The following ANKRD11 variants were observed in gnomAD, a reference collection of about 807,000 sequenced individuals.
The protein encoded by ANKRD11 is ankyrin repeat domain-containing protein 11.
Under a neutral mutation model 195.7 loss-of-function variants are expected in ANKRD11, and 17 were observed. The ratio of observed to expected loss-of-function variants is 0.09; its 90% CI spans 0.06 to 0.13. ANKRD11 has a LOEUF of 0.13. Among genes scored for constraint, ANKRD11 ranks in the 10% least tolerant of loss-of-function variants. The pLI is 1.00. For synonymous variants in ANKRD11, 1,953 were observed against 1,528.1 expected (o/e 1.28, Z -6.49); for missense variants, 3,735 against 3,566.1 (o/e 1.05, Z -1.21).
chr16:89,388,661 G>A (rs1362057984), intron 2 of ANKRD11, among the ~76,000 whole-genome samples: 1 of 152,186 alleles, frequency 6.6e-6, no homozygotes, highest in East Asian at 1.9e-4. Flanking sequence ...GGAGCCCTGC[G>A]ATGAGCCGGG....
chr16:89,424,102 G>A (rs903050231), intron 1 of ANKRD11, among the ~76,000 whole-genome samples: 20 of 152,080 alleles, frequency 1.3e-4, no homozygotes, highest in Non-Finnish European at 2.4e-4. Context: ...TGCTGTGACT[G>A]CCCCGGGTGT....
chr16:89,306,332 C>G (rs2036238622), intron 3 of ANKRD11, among the ~76,000 whole-genome samples: 1 of 95,670 alleles, frequency 1.0e-5, no homozygotes, highest in African/African-American at 4.6e-5. Context: ...CCACCTCCCA[C>G]TCCGCAGACA....
At chr16:89,489,460 C>T (rs1175822184) in intron 1 of ANKRD11, among the ~76,000 whole-genome samples, 3 of 149,238 alleles carry the variant, frequency 2.0e-5, no homozygotes, top group Middle Eastern at 3.4e-3. Flanking sequence ...GCATTCCTGC[C>T]CCTCCTCGGC....
chr16:89,359,939 C>T (rs562259490), intron 2 of ANKRD11, among the ~76,000 whole-genome samples: 18 of 151,878 alleles, frequency 1.2e-4, no homozygotes, highest in Non-Finnish European at 7.4e-5. Context: ...TGAGGGTGTA[C>T]TACATAAGTA....
intron 1 of ANKRD11, among the ~76,000 whole-genome samples, chr16:89,430,989 C>A (rs1227430234): frequency 6.6e-6 from 1 of 152,086 alleles, no homozygotes; most frequent in Non-Finnish European, 1.5e-5. Context: ...CCACTCCAGG[C>A]TCAACCTATC....
Position 89,337,816 on chromosome 16 carries a change from G to A in ANKRD11, c.-59-20738C>T, listed in dbSNP as rs549097642. Among the ~76,000 whole-genome samples, 67 of 152,264 alleles carry A rather than the reference G, an allele frequency of 4.4e-4. No homozygotes were observed. The South Asian group carries it at 7.0e-3, about 16-fold the overall frequency. On this transcript the variant is annotated intron_variant, in intron 2 of 12. Coordinates refer to ENST00000301030, the MANE Select transcript of ANKRD11 (RefSeq NM_013275.6). Reference sequence around the variant, plus strand: ...GAAAGCAAGTTTGCCCAAGTCGCACGAGCAAGGCTGGAGTCAGCAATGCCT... The same window carrying A: ...GAAAGCAAGTTTGCCCAAGTCGCACAAGCAAGGCTGGAGTCAGCAATGCCT...
chr16:89,467,743 C>G (rs574627561), intron 1 of ANKRD11, among the ~76,000 whole-genome samples: 1 of 152,132 alleles, frequency 6.6e-6, no homozygotes, highest in African/African-American at 2.4e-5. Flanking sequence ...GTAAGACATA[C>G]TGCATATGTT....
rs1315359053 is a variant in ANKRD11, at chr16:89,268,438, C to A, written c.*40G>T. 1.1e-6 allele frequency: 1 copy of A among 908,014 alleles called. No individual in the cohort carries two copies. The highest frequency in any genetic ancestry group is 1.9e-5 in the African/African-American group (1 of 52,176). The allele number at this position is 908,014 out of a possible 1,614,324, so 56.2% of individuals were successfully genotyped here. ...GGGCTCAGCAGCAGTCCTGGGCAGC[C>A]GTGCGGCCCTCGCCTGCGTCCTGCG... On this transcript the variant is annotated 3_prime_UTR_variant, in exon 13 of 13. Transcript: ENST00000301030.
At chr16:89,385,003 A>G (rs187827497) in intron 2 of ANKRD11, among the ~76,000 whole-genome samples, 119 of 139,898 alleles carry the variant, frequency 8.5e-4, no homozygotes, top group African/African-American at 3.1e-3. Context: ...CTCCTGACTC[A>G]GCCTCCCAAG....
At position 89,285,226 on chromosome 16, in the gene ANKRD11, G is replaced by A. The variant is rs1427555870; in HGVS notation, c.1316C>T (p.Thr439Ile). Residue 439 changes from threonine (T) to isoleucine (I), a missense_variant, in exon 9 of 13, where the codon ACA (threonine) becomes ATA (isoleucine). Thr to Ile is a moderately conservative substitution (Grantham distance 89). Coordinates refer to ENST00000301030, the MANE Select transcript of ANKRD11 (RefSeq NM_013275.6). This position sits in a 1 kb window ranked among gnomAD's most constrained non-coding sequence, Gnocchi z 5.6. ...CTGCTTGGCATTAGAAGGCTCTCGT[G>A]TCTTACTACCAGGCAATATCGTATG... Reference protein sequence around the residue: ...SAHTILPGSKTREPSNAKQQK... With the variant: ...SAHTILPGSKIREPSNAKQQK... 1.2e-6 allele frequency: 2 copies of A among 1,613,544 alleles called. No individual in the cohort carries two copies. Among genetic ancestry groups the A allele is most frequent in the Non-Finnish European group, 1.7e-6 (2 of 1,180,012 alleles).
intron 2 of ANKRD11, among the ~76,000 whole-genome samples, chr16:89,325,467 T>TCACACA (rs1472706911): frequency 2.8e-4 from 39 of 140,602 alleles, no homozygotes; most frequent in African/African-American, 9.9e-4. Flanking sequence ...TCTCTCTCTC[T>TCACACA]CTCACACACA....
At chr16:89,372,927 A>AG (rs2040257429) in intron 2 of ANKRD11, 2 of 152,352 alleles carry the variant, frequency 1.3e-5, no homozygotes, top group South Asian at 2.1e-4. Context: ...CACCTCAGAG[A>AG]GTATCACCCA....
At chr16:89,375,379 G>A (rs1386604622) in intron 2 of ANKRD11, among the ~76,000 whole-genome samples, 4 of 152,192 alleles carry the variant, frequency 2.6e-5, no homozygotes, top group African/African-American at 7.2e-5. Flanking sequence ...GTTTGAGCCC[G>A]GGAGTCCAAG....
At chr16:89,302,404 C>T (rs188342986) in intron 4 of ANKRD11, among the ~76,000 whole-genome samples, 2 of 152,164 alleles carry the variant, frequency 1.3e-5, no homozygotes, top group South Asian at 4.1e-4. Flanking sequence ...AGGCACCCGC[C>T]GCCACACCTG....
chr16:89,437,440 C>T (rs1364696996), intron 1 of ANKRD11, among the ~76,000 whole-genome samples: 1 of 152,108 alleles, frequency 6.6e-6, no homozygotes, highest in Non-Finnish European at 1.5e-5. Context: ...CCTACTTCCT[C>T]TCTCCTCATT....
At chr16:89,461,796 C>T (rs541465634) in intron 1 of ANKRD11, among the ~76,000 whole-genome samples, 2 of 152,110 alleles carry the variant, frequency 1.3e-5, no homozygotes, top group Non-Finnish European at 2.9e-5. Flanking sequence ...TATGGTCATT[C>T]CCATTAAAAC....
chr16:89,271,299 G>C, intron 11 of ANKRD11: 1 of 318,784 alleles, frequency 3.1e-6, no homozygotes, highest in Non-Finnish European at 6.1e-6. Flanking sequence ...GTGCAATGGC[G>C]CGATCCTGGC....
Position 89,490,518 on chromosome 16 carries a change from G to A in ANKRD11, c.-418C>T, listed in dbSNP as rs1031152982. ...CGGGCTCGGCGGCGGCGCCTCCCCGGCTGGGGCCCTCGGTCCATCGCGCAC... is the reference window on the plus strand; with the variant it reads ...CGGGCTCGGCGGCGGCGCCTCCCCGACTGGGGCCCTCGGTCCATCGCGCAC... On this transcript the variant is annotated 5_prime_UTR_variant, in exon 1 of 13. Coordinates refer to ENST00000301030, the MANE Select transcript of ANKRD11 (RefSeq NM_013275.6). 2.3e-5 allele frequency: 11 copies of A among 471,814 alleles called. No homozygotes were observed. The highest frequency in any genetic ancestry group is 1.6e-4 in the African/African-American group (8 of 49,378). The allele number at this position is 471,814 out of a possible 1,614,324, so 29.2% of individuals were successfully genotyped here.
intron 1 of ANKRD11, among the ~76,000 whole-genome samples, chr16:89,441,581 C>A (rs561677458): frequency 1.4e-4 from 22 of 152,008 alleles, no homozygotes; most frequent in East Asian, 5.8e-4. Flanking sequence ...TCCTGGCTAA[C>A]ATGGTAAAAC....
Sources: gnomAD v4.1 joint callset for allele counts (sites outside exome capture counted in the v4.1 genomes callset) on GRCh38, gnomAD v4.1.1 for gene constraint, Gnocchi (gnomAD v3.1) non-coding constraint, MANE v1.5 for transcripts, NCBI Gene and HGNC (gene_info 2026-07-23, HGNC 2026-07-21) for gene names.